Variants in TNS3 observed in about 807,000 individuals in gnomAD.
The protein encoded by TNS3 is tensin-3.
A neutral mutation model predicts 140.9 loss-of-function variants in TNS3; 45 were observed. The observed-to-expected ratio is 0.32, with a 90% CI of 0.25 to 0.41. The LOEUF is 0.41. Ranked by LOEUF, TNS3 falls within the 10% of genes least tolerant of loss-of-function variation. The pLI is 1.00. For synonymous variants in TNS3, 815 were observed against 788.4 expected (o/e 1.03, Z -0.56); for missense variants, 1,716 against 1,906.7 (o/e 0.90, Z 1.86).
At chr7:47,337,305 T>C (rs1428653872) in intron 20 of TNS3, among the ~76,000 whole-genome samples, 2 of 152,216 alleles carry the variant, frequency 1.3e-5, no homozygotes. Flanking sequence ...CTGGGCTATT[T>C]CTCTTGGACA....
chr7:47,436,935 G>A (rs1403648803), intron 7 of TNS3, among the ~76,000 whole-genome samples: 7 of 152,020 alleles, frequency 4.6e-5, no homozygotes, highest in South Asian at 2.1e-4. Context: ...ACACATGTAC[G>A]CAAAACCAGG....
intron 1 of TNS3, among the ~76,000 whole-genome samples, chr7:47,566,498 C>T (rs188115866): frequency 1.3e-5 from 2 of 152,318 alleles, no homozygotes; most frequent in East Asian, 1.9e-4. Context: ...GAAGAGCTTG[C>T]TCCCCAAGCA....
chr7:47,370,176 TGA>T (rs1790974342), intron 16 of TNS3, among the ~76,000 whole-genome samples: 1 of 152,028 alleles, frequency 6.6e-6, no homozygotes, highest in African/African-American at 2.4e-5. Flanking sequence ...CTCGGGAGGC[TGA>T]GTCAGGAGAA....
chr7:47,438,029 T>C (rs1795275009), intron 6 of TNS3, among the ~76,000 whole-genome samples: 1 of 118,456 alleles, frequency 8.4e-6, no homozygotes, highest in Admixed American at 1.1e-4. Flanking sequence ...ACTCAAGTAG[T>C]TCAAAATGAA....
intron 20 of TNS3, among the ~76,000 whole-genome samples, chr7:47,322,351 G>A (rs1017931743): frequency 1.3e-5 from 2 of 151,618 alleles, no homozygotes; most frequent in East Asian, 1.9e-4. Context: ...GTGAAACCCC[G>A]TCTCTACTAA....
chr7:47,503,438 T>C (rs1029689777), intron 3 of TNS3, among the ~76,000 whole-genome samples: 1 of 152,074 alleles, frequency 6.6e-6, no homozygotes, highest in Non-Finnish European at 1.5e-5. Context: ...TTTTTCACTC[T>C]TGCCAGTAAG....
chr7:47,537,707 GTAATCTACACTACCCTGA>G (rs1405601730), intron 1 of TNS3, among the ~76,000 whole-genome samples: 1 of 151,928 alleles, frequency 6.6e-6, no homozygotes, highest in Non-Finnish European at 1.5e-5. Context: ...GTAATGAGCA[GTAATCTACACTACCCTGA>G]TAATCTACAC....
intron 3 of TNS3, among the ~76,000 whole-genome samples, chr7:47,492,602 TA>T (rs1245933364): frequency 6.6e-6 from 1 of 152,190 alleles, no homozygotes; most frequent in African/African-American, 2.4e-5. Flanking sequence ...GACACACAAA[TA>T]AGATGTGCTT....
At chr7:47,478,643 TAAAC>T (rs1048251827) in intron 4 of TNS3, among the ~76,000 whole-genome samples, 2 of 152,038 alleles carry the variant, frequency 1.3e-5, no homozygotes, top group African/African-American at 4.8e-5. Flanking sequence ...AACCTTCATA[TAAAC>T]AATTACATAA....
At chr7:47,430,733 T>C (rs1040215488) in intron 8 of TNS3, among the ~76,000 whole-genome samples, 3 of 151,928 alleles carry the variant, frequency 2.0e-5, no homozygotes, top group South Asian at 4.2e-4. Context: ...TTTTCTTTTT[T>C]TTTTTTTAAT....
At chr7:47,330,504 TGAGG>T (rs1277479764) in intron 20 of TNS3, among the ~76,000 whole-genome samples, 3 of 152,144 alleles carry the variant, frequency 2.0e-5, no homozygotes, top group South Asian at 2.1e-4. Flanking sequence ...GTCCTGAGGC[TGAGG>T]GAGGGAGGGT....
chr7:47,474,498 CAT>C (rs1453461309), intron 4 of TNS3, among the ~76,000 whole-genome samples: 41 of 150,508 alleles, frequency 2.7e-4, no homozygotes, highest in African/African-American at 8.3e-4. Flanking sequence ...ACAACACAGA[CAT>C]GTACACACAC....
Position 47,519,146 on chromosome 7 carries a change from G to C in TNS3, c.-153+9890C>G, listed in dbSNP as rs374268786. On this transcript the variant is annotated intron_variant, in intron 2 of 30. Coordinates refer to ENST00000311160, the MANE Select transcript of TNS3 (RefSeq NM_022748.12). ...CCACTGAGGCCCCGCCTGCTGCTTC[G>C]TCTCAGGGCGCCAGCTCCCATCCCT... Among the ~76,000 whole-genome samples the C allele has an allele frequency of 2.0e-5, 3 of 152,194 alleles. No homozygotes were observed. In the East Asian group the frequency reaches 5.8e-4, roughly 29 times the overall value.
At chr7:47,414,466 T>C (rs1005480501) in intron 11 of TNS3, among the ~76,000 whole-genome samples, 3 of 152,226 alleles carry the variant, frequency 2.0e-5, no homozygotes, top group Admixed American at 1.3e-4. Context: ...CTCAGCCATG[T>C]GCCATTTGCT....
chr7:47,295,492 G>A (rs142821404), intron 24 of TNS3, among the ~76,000 whole-genome samples: 151 of 152,236 alleles, frequency 9.9e-4, no homozygotes, highest in African/African-American at 3.6e-3. Context: ...CAGCTCTCCA[G>A]CTACAAAAGC....
chr7:47,361,304 C>T (rs1208170043), intron 17 of TNS3, among the ~76,000 whole-genome samples: 1 of 152,146 alleles, frequency 6.6e-6, no homozygotes, highest in South Asian at 2.1e-4. Flanking sequence ...CCCATCCTGG[C>T]CCTCCATGGT....
intron 13 of TNS3, among the ~76,000 whole-genome samples, chr7:47,403,603 T>A (rs1348856318): frequency 6.6e-6 from 1 of 152,168 alleles, no homozygotes; most frequent in Non-Finnish European, 1.5e-5. Context: ...CTCTTTCCTC[T>A]TGATTAATGG....
chr7:47,401,977 G>A (rs1793192669), intron 13 of TNS3, among the ~76,000 whole-genome samples: 1 of 152,220 alleles, frequency 6.6e-6, no homozygotes, highest in Non-Finnish European at 1.5e-5. Context: ...TCCCATAAAA[G>A]AGACTTTTCT....
chr7:47,293,654 C>T, intron 25 of TNS3, 79 bp downstream of exon 25: 1 of 1,299,130 alleles, frequency 7.7e-7, no homozygotes, highest in Non-Finnish European at 1.1e-6. Context: ...GTGATAGTCC[C>T]AAATCTCAGG....
Sources: gnomAD v4.1 joint callset for allele counts (sites outside exome capture counted in the v4.1 genomes callset) on GRCh38, gnomAD v4.1.1 for gene constraint, MANE v1.5 for transcripts, NCBI Gene and HGNC (gene_info 2026-07-23, HGNC 2026-07-21) for gene names.